Variants in EDN1 observed in about 807,000 individuals in gnomAD.
EDN1 encodes the protein endothelin 1, also known as endothelin-1.
In EDN1, 11 loss-of-function variants were observed where a neutral mutation model predicts 21.7. The observed-to-expected ratio is 0.51, with a 90% CI of 0.32 to 0.84. The LOEUF (loss-of-function observed/expected upper bound fraction) is 0.84. Among genes scored for constraint, EDN1 ranks in the 40% least tolerant of loss-of-function variants. EDN1 has a pLI of 0.03. For synonymous variants in EDN1, 85 were observed against 90.6 expected (o/e 0.94, Z 0.35); for missense variants, 244 against 262.3 (o/e 0.93, Z 0.48).
At chr6:12,258,537 T>G in the EDN1 span, among the ~76,000 whole-genome samples, 61,774 of 150,392 alleles carry the variant, frequency 0.41, 12,701 homozygotes, top group East Asian at 0.51. Context: ...ATCAAAGGAT[T>G]TATTTAAATG....
the EDN1 span, among the ~76,000 whole-genome samples, chr6:12,270,239 G>C: frequency 6.6e-6 from 1 of 151,928 alleles, no homozygotes; most frequent in African/African-American, 2.4e-5. Context: ...ACAATTATTG[G>C]TTATGTTGAT....
At position 12,292,447 on chromosome 6, in the gene EDN1, C is replaced by A; in HGVS notation, c.171C>A (p.Ser57=). 1 of 1,614,254 alleles carries A rather than the reference C, an allele frequency of 6.2e-7. No homozygotes were observed. Among genetic ancestry groups the A allele is most frequent in the Non-Finnish European group, 8.5e-7 (1 of 1,180,056 alleles). Residue 57 remains serine, a synonymous_variant, in exon 2 of 5, where the codon TCC becomes TCA. Transcript: ENST00000379375. ...LRRSKRCSCS[S]LMDKECVYFC... is the part of the protein sequence containing the mutation. Reference sequence around the variant, plus strand: ...GGTCCAAGCGCTGCTCCTGCTCGTCCCTGATGGATAAAGAGTGTGTCTACT... The same window carrying A: ...GGTCCAAGCGCTGCTCCTGCTCGTCACTGATGGATAAAGAGTGTGTCTACT...
At chr6:12,240,382 G>T in the EDN1 span, among the ~76,000 whole-genome samples, 1 of 152,194 alleles carries the variant, frequency 6.6e-6, no homozygotes, top group Non-Finnish European at 1.5e-5. Flanking sequence ...TTCTCTTTCT[G>T]CCCAGTGGGA....
At chr6:12,259,250 C>T in the EDN1 span, among the ~76,000 whole-genome samples, 5 of 151,958 alleles carry the variant, frequency 3.3e-5, no homozygotes, top group East Asian at 9.7e-4. Context: ...ATACTATTTA[C>T]AGATGACACA....
At chr6:12,295,205 G>A (rs527732468) in intron 4 of EDN1, among the ~76,000 whole-genome samples, 2 of 152,018 alleles carry the variant, frequency 1.3e-5, no homozygotes, top group Non-Finnish European at 1.5e-5. Context: ...AAATCCAGTG[G>A]CAAGAAGTTC....
upstream of EDN1, among the ~76,000 whole-genome samples, chr6:12,287,831 A>C (rs1298441382): frequency 1.3e-5 from 2 of 151,656 alleles, no homozygotes; most frequent in Non-Finnish European, 2.9e-5. Context: ...TATATTTGGC[A>C]CGGTGGGGCC....
intron 2 of EDN1, among the ~76,000 whole-genome samples, chr6:12,293,489 T>A (rs912074549): frequency 6.6e-6 from 1 of 152,200 alleles, no homozygotes; most frequent in Non-Finnish European, 1.5e-5. Context: ...CTTTTAGCAG[T>A]ATCCTCCGTG....
At chr6:12,281,445 A>G in the EDN1 span, among the ~76,000 whole-genome samples, 2 of 152,212 alleles carry the variant, frequency 1.3e-5, no homozygotes, top group East Asian at 1.9e-4. Flanking sequence ...TACAGCCTCA[A>G]TGAAACACTT....
At chr6:12,245,809 G>A in the EDN1 span, among the ~76,000 whole-genome samples, 1 of 152,226 alleles carries the variant, frequency 6.6e-6, no homozygotes. Context: ...GGCAGAAAGT[G>A]TTGAAGGGAA....
the EDN1 span, among the ~76,000 whole-genome samples, chr6:12,255,561 T>C: frequency 1.3e-5 from 2 of 152,210 alleles, no homozygotes; most frequent in African/African-American, 2.4e-5. Context: ...AGTTTGTGCT[T>C]GTATTTGACC....
Position 12,290,511 on chromosome 6 carries a change from C to A in EDN1, c.-119C>A. 1.2e-6 allele frequency: 1 copy of A among 837,642 alleles called. No homozygotes were observed. The highest frequency in any genetic ancestry group is 2.0e-6 in the Non-Finnish European group (1 of 496,772). 51.9% of individuals were successfully genotyped at this position (837,642 alleles called of 1,614,324 possible). A position where few individuals can be genotyped will look rare whatever the true frequency, so the allele number is the denominator to read the frequency against. The stretch of plus-strand genomic sequence containing the variant: ...TCTCCCCGTTAAAAGGGCACTTGGG[C>A]TGAAGGATCGCTTTGAGATCTGAGG... On this transcript the variant is annotated 5_prime_UTR_variant, in exon 1 of 5. It adds an upstream start codon to the 5' untranslated region. Coordinates refer to ENST00000379375, the MANE Select transcript of EDN1 (RefSeq NM_001955.5).
chr6:12,251,857 C>T, the EDN1 span, among the ~76,000 whole-genome samples: 1 of 152,196 alleles, frequency 6.6e-6, no homozygotes, highest in African/African-American at 2.4e-5. Flanking sequence ...CCACCAATTA[C>T]CTGCTAATCT....
At chr6:12,286,265 T>A (rs1245751920), upstream of EDN1, among the ~76,000 whole-genome samples, 1 of 152,256 alleles carries the variant, frequency 6.6e-6, no homozygotes, top group African/African-American at 2.4e-5. Flanking sequence ...GCATATGTTG[T>A]ATGTTTTTAA....
chr6:12,270,969 A>G, the EDN1 span, among the ~76,000 whole-genome samples: 18 of 152,136 alleles, frequency 1.2e-4, no homozygotes, highest in African/African-American at 4.3e-4. Flanking sequence ...CTAGTTTCAC[A>G]TATATTTACA....
the EDN1 span, among the ~76,000 whole-genome samples, chr6:12,236,738 G>A: frequency 6.7e-6 from 1 of 150,112 alleles, no homozygotes; most frequent in Non-Finnish European, 1.5e-5. Flanking sequence ...GACAGTCCAA[G>A]TATGTTTCTA....
chr6:12,258,232 ATC>A, the EDN1 span, among the ~76,000 whole-genome samples: 1 of 151,652 alleles, frequency 6.6e-6, no homozygotes, highest in South Asian at 2.1e-4. Flanking sequence ...CCGGAAGATC[ATC>A]TGAGGCCAGG....
chr6:12,263,372 A>C, the EDN1 span, among the ~76,000 whole-genome samples: 1 of 152,224 alleles, frequency 6.6e-6, no homozygotes, highest in Non-Finnish European at 1.5e-5. Context: ...CATAAAAAGA[A>C]TCTGTTACAA....
chr6:12,293,746 C>T lies in EDN1; in HGVS notation c.234-195C>T, dbSNP rs1762749147. 2.0e-5 allele frequency among the ~76,000 whole-genome samples: 3 copies of T among 152,164 alleles called. No individual in the cohort carries two copies. The South Asian group carries it at 6.2e-4, about 31-fold the overall frequency. Reference sequence around the variant, plus strand: ...CTGAATTAGAAAAACTTGTTTTCTCCTGCCTGGATACATACAGTCAGGGCC... The same window carrying T: ...CTGAATTAGAAAAACTTGTTTTCTCTTGCCTGGATACATACAGTCAGGGCC... On this transcript the variant is annotated intron_variant, in intron 2 of 4. Transcript: ENST00000379375.
At chr6:12,275,885 G>A in the EDN1 span, among the ~76,000 whole-genome samples, 6 of 151,872 alleles carry the variant, frequency 4.0e-5, no homozygotes, top group South Asian at 8.3e-4. Flanking sequence ...GAATCGTGCC[G>A]GGCATGGTGG....
Sources: allele counts gnomAD v4.1 joint callset (sites outside exome capture counted in the v4.1 genomes callset), GRCh38; gene constraint gnomAD v4.1.1; transcripts MANE v1.5; gene names NCBI Gene and HGNC (gene_info 2026-07-23, HGNC 2026-07-21).